The following ELK3 variants were observed in gnomAD, a reference collection of about 807,000 sequenced individuals.
ELK3 encodes the protein ETS transcription factor ELK3, also known as ETS domain-containing protein Elk-3.
ELK3 carries 10 observed loss-of-function variants against 28.9 expected under a neutral mutation model. The observed-to-expected ratio is 0.35, with a 90% CI of 0.21 to 0.59. The LOEUF (loss-of-function observed/expected upper bound fraction) is 0.59, where lower values mean the gene tolerates loss of function less well. Ranked by LOEUF, ELK3 falls within the 20% of genes least tolerant of loss-of-function variation. The pLI is 0.82. For synonymous variants in ELK3, 272 were observed against 243.5 expected, an observed-to-expected ratio of 1.12 and a Z score of -1.09; for missense variants, 463 against 517.3, an observed-to-expected ratio of 0.90 and a Z score of 1.02.
chr12:96,258,016 G>A (rs1394630179), intron 3 of ELK3, among the ~76,000 whole-genome samples: 1 of 152,238 alleles, frequency 6.6e-6, no homozygotes, highest in Non-Finnish European at 1.5e-5. Flanking sequence ...ATAAGAGCTT[G>A]CAGTAGATCA....
At chr12:96,243,159 CTTCA>C (rs1565787727) in intron 2 of ELK3, among the ~76,000 whole-genome samples, 1 of 152,176 alleles carries the variant, frequency 6.6e-6, no homozygotes, top group Non-Finnish European at 1.5e-5. Context: ...TAAAAACCAG[CTTCA>C]TTAAGATAAA....
At chr12:96,244,877 T>C (rs1172159282) in intron 2 of ELK3, among the ~76,000 whole-genome samples, 4 of 152,088 alleles carry the variant, frequency 2.6e-5, no homozygotes, top group Admixed American at 2.6e-4. Flanking sequence ...GCTAACAAAG[T>C]CCAGGTGGAA....
Position 96,267,163 on chromosome 12 carries a change from A to C in ELK3, c.1207A>C (p.Asn403His). ...TGCTTCTCCAGTACTGCTTTCTTCA[A>C]ACTCTCAGAAATCCTGATGACGTCT... ...RAASPVLLSSNSQKS is the reference protein window; with the variant it reads ...RAASPVLLSSHSQKS The change falls in exon 5 of 5, where the codon AAC becomes CAC. Residue 403 changes from asparagine to histidine, a missense_variant. Physicochemically the swap from Asn to His is moderately conservative, Grantham distance 68 (BLOSUM62 1). Around this residue, in one of 2 missense-constraint regions of ELK3, gnomAD observed 408 missense variants for 414.8 expected, o/e 0.98. Coordinates refer to ENST00000228741, the MANE Select transcript of ELK3 (RefSeq NM_005230.4). 1 of 1,612,522 alleles carries C rather than the reference A, an allele frequency of 6.2e-7. No individual in the cohort carries two copies. The highest frequency in any genetic ancestry group is 8.5e-7 in the Non-Finnish European group (1 of 1,179,344).
intron 2 of ELK3, among the ~76,000 whole-genome samples, chr12:96,239,737 G>A (rs754464690): frequency 6.6e-6 from 1 of 152,200 alleles, no homozygotes; most frequent in Non-Finnish European, 1.5e-5. Flanking sequence ...GCTTCCCGTT[G>A]GCCTCTCCCA....
At chr12:96,226,139 G>GA (rs1296853152) in intron 2 of ELK3, among the ~76,000 whole-genome samples, 63 of 144,840 alleles carry the variant, frequency 4.3e-4, no homozygotes, top group South Asian at 2.7e-3. Flanking sequence ...CTCTTAAAAA[G>GA]AAAAAAAAAA....
At chr12:96,209,112 G>C (rs186745555) in intron 1 of ELK3, among the ~76,000 whole-genome samples, 3 of 152,360 alleles carry the variant, frequency 2.0e-5, no homozygotes, top group Admixed American at 1.3e-4. Context: ...GTGTGCACAC[G>C]TGCAAAACAG....
chr12:96,222,829 C>A, intron 1 of ELK3: 1 of 153,170 alleles, frequency 6.5e-6, no homozygotes, highest in South Asian at 1.9e-4. Flanking sequence ...GCTCACAGTT[C>A]TGCAGGCTGT....
Position 96,267,427 on chromosome 12 carries a change from C to A in ELK3, c.*247C>A. ...TTTTTGTTTTTATATCCTTTTAGCT[C>A]TTAAGTGTTGAACACTGTTGACAGT... On this transcript the variant is annotated 3_prime_UTR_variant, in exon 5 of 5. Transcript: ENST00000228741. 2.8e-6 allele frequency: 1 copy of A among 362,254 alleles called. No individual in the cohort carries two copies. The highest frequency in any genetic ancestry group is 5.1e-6 in the Non-Finnish European group (1 of 195,222). 22.4% of individuals were successfully genotyped at this position (362,254 alleles called of 1,614,324 possible).
At chr12:96,245,501 C>T (rs1287510879) in intron 2 of ELK3, among the ~76,000 whole-genome samples, 1 of 152,020 alleles carries the variant, frequency 6.6e-6, no homozygotes, top group East Asian at 1.9e-4. Flanking sequence ...TATGTACAAC[C>T]CCTGGTACAG....
intron 2 of ELK3, among the ~76,000 whole-genome samples, chr12:96,237,341 T>TGA (rs543204867): frequency 3.9e-4 from 60 of 152,124 alleles, no homozygotes; most frequent in Non-Finnish European, 7.8e-4. Context: ...GAGGCCGAGG[T>TGA]GAGAGGATCG....
At chr12:96,213,173 G>T (rs1049824916) in intron 1 of ELK3, among the ~76,000 whole-genome samples, 1 of 152,130 alleles carries the variant, frequency 6.6e-6, no homozygotes, top group Non-Finnish European at 1.5e-5. Flanking sequence ...AGCCTTTGGC[G>T]CAGTGCCATG....
chr12:96,238,536 G>A (rs1190327910), intron 2 of ELK3, among the ~76,000 whole-genome samples: 1 of 152,178 alleles, frequency 6.6e-6, no homozygotes, highest in African/African-American at 2.4e-5. Flanking sequence ...TGCCATCACC[G>A]GGCTGTATAT....
chr12:96,202,999 C>T (rs1479689444), intron 1 of ELK3, among the ~76,000 whole-genome samples: 1 of 152,214 alleles, frequency 6.6e-6, no homozygotes, highest in South Asian at 2.1e-4. Context: ...TCTTCTGCCT[C>T]AGCCTCCCAA....
At chr12:96,261,287 A>G (rs542242773) in intron 4 of ELK3, among the ~76,000 whole-genome samples, 7 of 152,234 alleles carry the variant, frequency 4.6e-5, no homozygotes, top group Non-Finnish European at 8.8e-5. Flanking sequence ...TTGGGTTTCT[A>G]TCTCTTTCAC....
chr12:96,195,897 C>T (rs1187361979), intron 1 of ELK3, among the ~76,000 whole-genome samples: 1 of 151,540 alleles, frequency 6.6e-6, no homozygotes, highest in Admixed American at 6.6e-5. Flanking sequence ...CCCCTCCCAC[C>T]CTCCCTCATT....
intron 2 of ELK3, among the ~76,000 whole-genome samples, chr12:96,225,172 C>T (rs1338613435): frequency 6.6e-6 from 1 of 152,216 alleles, no homozygotes; most frequent in Admixed American, 6.5e-5. Context: ...ACTGGGGCCG[C>T]TGAAGGAAAA....
intron 2 of ELK3, among the ~76,000 whole-genome samples, chr12:96,226,192 G>T (rs910407205): frequency 1.3e-5 from 2 of 152,160 alleles, no homozygotes; most frequent in Admixed American, 1.3e-4. Context: ...AGCAAACGAT[G>T]TGTATCAGGT....
At chr12:96,239,533 G>A (rs1210957123) in intron 2 of ELK3, among the ~76,000 whole-genome samples, 1 of 152,198 alleles carries the variant, frequency 6.6e-6, no homozygotes, top group Non-Finnish European at 1.5e-5. Flanking sequence ...GCAGCTGTGT[G>A]TGCTCAGCAT....
chr12:96,232,981 A>C (rs1951754331), intron 2 of ELK3, among the ~76,000 whole-genome samples: 1 of 152,180 alleles, frequency 6.6e-6, no homozygotes, highest in Non-Finnish European at 1.5e-5. Flanking sequence ...GTCTCTTAAA[A>C]AAGCAAGAGA....
Sources: gnomAD v4.1 joint callset for allele counts (sites outside exome capture counted in the v4.1 genomes callset) on GRCh38, gnomAD v4.1.1 for gene constraint, gnomAD v4.1.1 regional missense constraint, MANE v1.5 for transcripts, NCBI Gene and HGNC (gene_info 2026-07-23, HGNC 2026-07-21) for gene names.